RBFOX1: variants seen among roughly 807,000 people sequenced by gnomAD.
RBFOX1 encodes RNA binding protein fox-1 homolog 1.
In RBFOX1, 8 loss-of-function variants were observed where a neutral mutation model predicts 57.7. The ratio of observed to expected loss-of-function variants is 0.14; its 90% CI spans 0.08 to 0.25. The LOEUF (loss-of-function observed/expected upper bound fraction) is 0.25. RBFOX1 is among the 10% of genes least tolerant of loss of function. The pLI is 1.00. For missense variants in RBFOX1, 611 were observed against 548.5 expected, an observed-to-expected ratio of 1.11 and a Z score of -1.14; for synonymous variants, 326 against 222.4, an observed-to-expected ratio of 1.47 and a Z score of -4.15.
At chr16:7,493,015 A>T (rs1210924542) in intron 4 of RBFOX1, among the ~76,000 whole-genome samples, 1 of 152,100 alleles carries the variant, frequency 6.6e-6, no homozygotes, top group Non-Finnish European at 1.5e-5. Flanking sequence ...AGTAGCTGGG[A>T]TTACAGGTGC....
chr16:6,927,588 G>C (rs1416949795), intron 3 of RBFOX1, among the ~76,000 whole-genome samples: 1 of 151,898 alleles, frequency 6.6e-6, no homozygotes, highest in East Asian at 1.9e-4. Context: ...TGTGTCCTGT[G>C]TGCCTGGAAA....
intron 1 of RBFOX1, among the ~76,000 whole-genome samples, chr16:6,070,142 T>A (rs1357989457): frequency 6.6e-6 from 1 of 152,210 alleles, no homozygotes; most frequent in Non-Finnish European, 1.5e-5. Context: ...TGACTAGTAA[T>A]AATATGAGAA....
chr16:6,390,319 C>G (rs959401373), intron 2 of RBFOX1, among the ~76,000 whole-genome samples: 1 of 152,156 alleles, frequency 6.6e-6, no homozygotes, highest in African/African-American at 2.4e-5. Flanking sequence ...CTCCCCACCC[C>G]CAAATCCTGA....
At chr16:5,736,447 T>A (rs2052575147) in intron 3 of RBFOX1, among the ~76,000 whole-genome samples, 1 of 152,000 alleles carries the variant, frequency 6.6e-6, no homozygotes, top group African/African-American at 2.4e-5. Flanking sequence ...ATGGGGCTGC[T>A]GCTTGTCCCA....
intron 4 of RBFOX1, among the ~76,000 whole-genome samples, chr16:7,326,099 G>A (rs191804975): frequency 9.2e-5 from 14 of 152,252 alleles, no homozygotes; most frequent in Admixed American, 2.6e-4. Context: ...GACTCCCTGC[G>A]CCTCTGTCTC....
intron 3 of RBFOX1, among the ~76,000 whole-genome samples, chr16:5,782,243 G>A (rs2054346840): frequency 6.6e-6 from 1 of 152,196 alleles, no homozygotes; most frequent in Admixed American, 6.5e-5. Flanking sequence ...TAGAGGCTGG[G>A]AAGTCCAAGA....
rs201879154 is a variant in RBFOX1 at position 6,191,032 on chromosome 16, C to G, written c.-126-125963C>G. On this transcript the variant is annotated intron_variant, in intron 1 of 15. Transcript: ENST00000550418. ...CTGCTTGTGCATTTGACCTTGACAG[C>G]CAAGGTCTGTGTGGTTCCTCTTTGC... Among the ~76,000 whole-genome samples the G allele has an allele frequency of 2.0e-5, 3 of 151,960 alleles. No individual in the cohort carries two copies. In the East Asian group the frequency reaches 5.8e-4, roughly 29 times the overall value.
At chr16:5,514,074 A>G (rs2043700441) in intron 2 of RBFOX1, among the ~76,000 whole-genome samples, 1 of 152,224 alleles carries the variant, frequency 6.6e-6, no homozygotes, top group Non-Finnish European at 1.5e-5. Flanking sequence ...TGGATATGCT[A>G]GTATATTAGT....
At chr16:6,505,918 A>G (rs2096076053) in intron 2 of RBFOX1, among the ~76,000 whole-genome samples, 1 of 152,206 alleles carries the variant, frequency 6.6e-6, no homozygotes, top group Admixed American at 6.5e-5. Context: ...ACCTAGGAGC[A>G]TACAGTTGAG....
intron 1 of RBFOX1, among the ~76,000 whole-genome samples, chr16:6,040,065 A>G (rs918873734): frequency 2.0e-5 from 3 of 152,210 alleles, no homozygotes; most frequent in Admixed American, 6.5e-5. Flanking sequence ...TCCTATTAAC[A>G]TCTGATCTCA....
At chr16:5,952,379 G>A (rs1474790945) in intron 4 of RBFOX1, among the ~76,000 whole-genome samples, 1 of 152,080 alleles carries the variant, frequency 6.6e-6, no homozygotes, top group Non-Finnish European at 1.5e-5. Flanking sequence ...TCAAATTCCT[G>A]ACCTCAAGCG....
At chr16:5,427,032 T>A (rs939010451) in intron 1 of RBFOX1, among the ~76,000 whole-genome samples, 1 of 152,108 alleles carries the variant, frequency 6.6e-6, no homozygotes, top group African/African-American at 2.4e-5. Flanking sequence ...TCATGCCACC[T>A]CCTCTGTTTT....
chr16:5,521,796 T>G (rs1386057), intron 2 of RBFOX1, among the ~76,000 whole-genome samples: 1 of 152,070 alleles, frequency 6.6e-6, no homozygotes, highest in Non-Finnish European at 1.5e-5. Context: ...GCAATGCTAT[T>G]CTTCTCCAAC....
chr16:6,542,069 C>G (rs1311933852), intron 2 of RBFOX1, among the ~76,000 whole-genome samples: 2 of 151,956 alleles, frequency 1.3e-5, no homozygotes, highest in Non-Finnish European at 2.9e-5. Flanking sequence ...GCTGGGACTA[C>G]AGGTGTGCAC....
chr16:6,219,698 A>T (rs1037351676), intron 1 of RBFOX1, among the ~76,000 whole-genome samples: 2 of 152,138 alleles, frequency 1.3e-5, no homozygotes, highest in Admixed American at 1.3e-4. Context: ...AACATGGTGA[A>T]AACCTGTCTC....
At chr16:7,514,289 C>T (rs1338415698) in intron 4 of RBFOX1, among the ~76,000 whole-genome samples, 3 of 152,280 alleles carry the variant, frequency 2.0e-5, no homozygotes, top group East Asian at 1.9e-4. Flanking sequence ...CCTCATGAGT[C>T]GTTTGCTAGG....
chr16:6,122,391 C>T (rs1046168601), intron 1 of RBFOX1, among the ~76,000 whole-genome samples: 1 of 147,974 alleles, frequency 6.8e-6, no homozygotes, highest in East Asian at 2.0e-4. Flanking sequence ...CACACACACA[C>T]ACACATTTTT....
intron 3 of RBFOX1, among the ~76,000 whole-genome samples, chr16:6,828,446 C>G (rs1567442280): frequency 6.6e-6 from 1 of 151,986 alleles, no homozygotes; most frequent in East Asian, 1.9e-4. Context: ...ATCACTTGAA[C>G]CCAGGAGGAA....
At chr16:7,050,051 C>G (rs1480620157) in intron 3 of RBFOX1, among the ~76,000 whole-genome samples, 1 of 152,030 alleles carries the variant, frequency 6.6e-6, no homozygotes, top group African/African-American at 2.4e-5. Flanking sequence ...TTAATTTGTT[C>G]TCTGTCTCAA....
Sources: gnomAD v4.1 joint callset for allele counts (sites outside exome capture counted in the v4.1 genomes callset) on GRCh38, gnomAD v4.1.1 for gene constraint, MANE v1.5 for transcripts, NCBI Gene and HGNC (gene_info 2026-07-23, HGNC 2026-07-21) for gene names.